The following TRIM33 variants were observed in gnomAD, a reference collection of about 807,000 sequenced individuals.
The protein encoded by TRIM33 is tripartite motif containing 33, also known as E3 ubiquitin-protein ligase TRIM33.
TRIM33 carries 20 observed loss-of-function variants against 125.4 expected under a neutral mutation model. That is an observed-to-expected ratio of 0.16 (90% CI 0.11 to 0.23). TRIM33 has a LOEUF of 0.23. TRIM33 is among the 10% of genes least tolerant of loss of function. The pLI, the probability that TRIM33 is intolerant of heterozygous loss-of-function variation, is 1.00. For synonymous variants in TRIM33, 564 were observed against 513.9 expected, an observed-to-expected ratio of 1.10 and a Z score of -1.32; for missense variants, 920 against 1,411.4, an observed-to-expected ratio of 0.65 and a Z score of 5.58.
At chr1:114,474,948 T>C (rs1170312118) in intron 1 of TRIM33, among the ~76,000 whole-genome samples, 6 of 149,988 alleles carry the variant, frequency 4.0e-5, no homozygotes, top group African/African-American at 1.5e-4. Context: ...AAATAGACCC[T>C]TACACAAAAA....
At chr1:114,416,248 T>TTAC (rs1652936207) in intron 11 of TRIM33, among the ~76,000 whole-genome samples, 1 of 152,184 alleles carries the variant, frequency 6.6e-6, no homozygotes, top group South Asian at 2.1e-4. Flanking sequence ...CAGGAAAATA[T>TTAC]TACATTTTAC....
intron 4 of TRIM33, among the ~76,000 whole-genome samples, chr1:114,438,535 C>G (rs920531599): frequency 6.6e-6 from 1 of 152,196 alleles, no homozygotes; most frequent in Admixed American, 6.5e-5. Context: ...ATAGCCTATT[C>G]TGATAACTTA....
intron 2 of TRIM33, among the ~76,000 whole-genome samples, chr1:114,463,767 C>CTTTT (rs397977770): frequency 4.0e-5 from 5 of 126,042 alleles, no homozygotes; most frequent in South Asian, 2.5e-4. Context: ...GCAGATTTGA[C>CTTTT]TTTTTTTTTT....
intron 1 of TRIM33, among the ~76,000 whole-genome samples, chr1:114,499,969 C>T (rs1652611647): frequency 1.3e-5 from 2 of 152,126 alleles, no homozygotes; most frequent in Non-Finnish European, 2.9e-5. Context: ...AAGTTCAAGA[C>T]CAGCCTGGCC....
At chr1:114,404,665 G>C (rs1474271153) in intron 15 of TRIM33, 1 of 152,006 alleles carries the variant, frequency 6.6e-6, no homozygotes. Flanking sequence ...CAAAGACTTA[G>C]GTAAGAAATT....
intron 11 of TRIM33, among the ~76,000 whole-genome samples, chr1:114,414,830 C>T (rs1222205095): frequency 6.6e-6 from 1 of 151,908 alleles, no homozygotes; most frequent in African/African-American, 2.4e-5. Flanking sequence ...AATACAAAAG[C>T]GTAATAGTGG....
chr1:114,479,311 A>G (rs1651158687), intron 1 of TRIM33, among the ~76,000 whole-genome samples: 1 of 152,190 alleles, frequency 6.6e-6, no homozygotes, highest in Non-Finnish European at 1.5e-5. Context: ...AGATTCAAAA[A>G]GGGGAGAGAA....
intron 2 of TRIM33, 74 bp downstream of exon 2, chr1:114,464,196 A>T: frequency 1.3e-6 from 1 of 749,532 alleles, no homozygotes; most frequent in Non-Finnish European, 2.1e-6. Flanking sequence ...TGACTTAACT[A>T]TCCAAACATG....
rs192797421 is a variant in TRIM33 at position 114,485,471 on chromosome 1, A to T, written c.527-21083T>A. On this transcript the variant is annotated intron_variant, in intron 1 of 19. Transcript: ENST00000358465. ...AATCCAAGTGGAAAGCTGAGACTCC[A>T]CCCCTATTATGTAGCAATCCAGTGG... 3.9e-5 allele frequency among the ~76,000 whole-genome samples: 6 copies of T among 152,100 alleles called. No homozygotes were observed. The East Asian group carries it at 1.2e-3, about 29-fold the overall frequency.
At chr1:114,410,153 T>G (rs777752378) in intron 12 of TRIM33, 31 bp downstream of exon 12, 7 of 1,612,688 alleles carry the variant, frequency 4.3e-6, no homozygotes, top group Non-Finnish European at 5.9e-6. Flanking sequence ...TTTAAGGTGT[T>G]AAAAAATAAG....
rs1210230666 is a variant in TRIM33, at chr1:114,396,101, A to C, written c.*1547T>G. ...GACTTCTGAAAAATATCTAACAGCA[A>C]ATTCTTCTATTTTGGTCTCTGAATA... is the stretch of plus-strand genomic sequence containing the variant. On this transcript the variant is annotated 3_prime_UTR_variant, in exon 20 of 20. Transcript: ENST00000358465. The C allele has an allele frequency of 5.0e-6, 1 of 201,198 alleles. No individual in the cohort carries two copies. The highest frequency in any genetic ancestry group is 2.3e-5 in the African/African-American group (1 of 43,554). 12.5% of individuals were successfully genotyped at this position (201,198 alleles called of 1,614,324 possible).
intron 4 of TRIM33, among the ~76,000 whole-genome samples, chr1:114,447,830 G>A (rs1649081022): frequency 6.6e-6 from 1 of 152,198 alleles, no homozygotes; most frequent in Non-Finnish European, 1.5e-5. Flanking sequence ...AAGGTATCAA[G>A]ATGAAAACTG....
intron 2 of TRIM33, among the ~76,000 whole-genome samples, chr1:114,464,048 C>T (rs931158535): frequency 2.6e-5 from 4 of 152,106 alleles, no homozygotes; most frequent in Admixed American, 6.5e-5. Context: ...CGACAACAGG[C>T]GTGAGCCACC....
In TRIM33 at chr1:114,395,235, T is replaced by C. The variant is rs1651482343; in HGVS notation, c.*2413A>G. The C allele has an allele frequency of 4.9e-6, 1 of 205,426 alleles. No homozygotes were observed. Among genetic ancestry groups the C allele is most frequent in the South Asian group, 1.9e-4 (1 of 5,286 alleles). 12.7% of individuals were successfully genotyped at this position (205,426 alleles called of 1,614,324 possible). On this transcript the variant is annotated 3_prime_UTR_variant, in exon 20 of 20. Coordinates refer to ENST00000358465, the MANE Select transcript of TRIM33 (RefSeq NM_015906.4). ...GTATGTTGATAGCTATTAATAGTAA[T>C]TCCTCAGCAGTATACATTATCTTAA...
intron 1 of TRIM33, chr1:114,468,343 C>T (rs1305540682): frequency 3.9e-5 from 11 of 283,842 alleles, no homozygotes; most frequent in South Asian, 3.3e-4. Flanking sequence ...GATTTTTGAT[C>T]CTACTATGAC....
chr1:114,487,044 G>A lies in TRIM33; in HGVS notation c.527-22656C>T, dbSNP rs528541047. On this transcript the variant is annotated intron_variant, in intron 1 of 19. Transcript: ENST00000358465. ...GGAGACTGCAGTGAGCCAAGATCAC[G>A]CCATTGCACACCAGCCTGGGCAACA... is the stretch of plus-strand genomic sequence containing the variant. Among the ~76,000 whole-genome samples, 54 of 148,728 alleles carry A rather than the reference G, an allele frequency of 3.6e-4. No individual in the cohort carries two copies. In the South Asian group the frequency reaches 0.01, roughly 28 times the overall value.
intron 6 of TRIM33, among the ~76,000 whole-genome samples, chr1:114,429,613 TATGA>T (rs1201626372): frequency 4.0e-5 from 6 of 151,354 alleles, no homozygotes; most frequent in Non-Finnish European, 8.8e-5. Context: ...TAAAGGATTC[TATGA>T]AGAGATGGGA....
chr1:114,464,476 C>G, intron 1 of TRIM33, 88 bp from the exon 2 acceptor site: 1 of 685,444 alleles, frequency 1.5e-6, no homozygotes, highest in Non-Finnish European at 2.4e-6. Context: ...TAATTCATCA[C>G]AGAGAAGACC....
chr1:114,419,739 G>C (rs543292847), intron 11 of TRIM33, among the ~76,000 whole-genome samples: 64 of 152,288 alleles, frequency 4.2e-4, no homozygotes, highest in Non-Finnish European at 6.9e-4. Flanking sequence ...TTCGTTAAAT[G>C]AGTAAATTAC....
Sources: allele counts gnomAD v4.1 joint callset (sites outside exome capture counted in the v4.1 genomes callset), GRCh38; gene constraint gnomAD v4.1.1; transcripts MANE v1.5; gene names NCBI Gene and HGNC (gene_info 2026-07-23, HGNC 2026-07-21).